Variants in FLNB observed in about 807,000 individuals in gnomAD.
FLNB encodes the protein filamin B.
Under a neutral mutation model 250.6 loss-of-function variants are expected in FLNB, and 111 were observed. The observed-to-expected ratio is 0.44, with a 90% CI of 0.38 to 0.52. FLNB has a LOEUF of 0.52. FLNB is among the 20% of genes least tolerant of loss of function. The pLI is 0.00. For synonymous variants in FLNB, 1,302 were observed against 1,372.1 expected, an observed-to-expected ratio of 0.95 and a Z score of 1.13; for missense variants, 2,869 against 3,447.8, an observed-to-expected ratio of 0.83 and a Z score of 4.20.
intron 1 of FLNB, among the ~76,000 whole-genome samples, chr3:58,064,064 A>G (rs1453729201): frequency 6.6e-6 from 1 of 152,114 alleles, no homozygotes; most frequent in African/African-American, 2.4e-5. Flanking sequence ...GAGTCATTTC[A>G]AGCCAATTTA....
chr3:58,129,994 G>A (rs1346333059), intron 24 of FLNB, among the ~76,000 whole-genome samples: 1 of 152,204 alleles, frequency 6.6e-6, no homozygotes, highest in African/African-American at 2.4e-5. Flanking sequence ...CCCTCAAGGA[G>A]TCAGAGGCCC....
intron 4 of FLNB, among the ~76,000 whole-genome samples, chr3:58,093,269 TG>T (rs1208300424): frequency 3.3e-5 from 5 of 152,094 alleles, no homozygotes; most frequent in African/African-American, 1.2e-4. Flanking sequence ...TCTGTCCCCA[TG>T]AAGTTGGGGT....
intron 5 of FLNB, 59 bp downstream of exon 5, chr3:58,095,013 A>C: frequency 7.6e-7 from 1 of 1,323,662 alleles, no homozygotes; most frequent in South Asian, 1.2e-5. Context: ...TGGGGCTTGT[A>C]ATGCGGCCAG....
chr3:58,155,888 C>T, intron 40 of FLNB, 72 bp from the exon 41 acceptor site: 3 of 1,059,980 alleles, frequency 2.8e-6, no homozygotes, highest in Non-Finnish European at 4.4e-6. Flanking sequence ...GGCATTTTAG[C>T]CCTTGGTGAG....
chr3:58,017,837 C>G (rs547156438), intron 1 of FLNB, among the ~76,000 whole-genome samples: 1 of 152,256 alleles, frequency 6.6e-6, no homozygotes, highest in South Asian at 2.1e-4. Flanking sequence ...GTACTATAAG[C>G]AAAGAAGCAG....
chr3:58,017,407 C>T (rs55749066), intron 1 of FLNB, among the ~76,000 whole-genome samples: 40,462 of 152,078 alleles, frequency 0.27, 5,737 homozygotes, highest in East Asian at 0.5. Flanking sequence ...TGCGCCATCA[C>T]ACCTGGATAA....
chr3:58,163,176 C>T lies in FLNB; in HGVS notation c.7044C>T (p.Ile2348=), dbSNP rs1475709296. ...TAGATAAGTATGCTGTTCGCTTCATCCCTCATGAGAATGGTGTCCACACCA... is the reference window on the plus strand; with the variant it reads ...TAGATAAGTATGCTGTTCGCTTCATTCCTCATGAGAATGGTGTCCACACCA... ...LEPDKYAVRF[I]PHENGVHTID... Residue 2348 remains isoleucine (I), a synonymous_variant, in exon 43 of 46, where the codon ATC becomes ATT. Coordinates refer to ENST00000295956, the MANE Select transcript of FLNB (RefSeq NM_001457.4). The T allele has an allele frequency of 6.2e-7, 1 of 1,614,212 alleles. No homozygotes were observed. The highest frequency in any genetic ancestry group is 1.7e-5 in the Admixed American group (1 of 60,028).
chr3:58,064,428 C>T (rs894011940), intron 1 of FLNB, among the ~76,000 whole-genome samples: 6 of 152,074 alleles, frequency 3.9e-5, no homozygotes, highest in African/African-American at 1.2e-4. Flanking sequence ...TCCTAAAGTG[C>T]TGGCATTATA....
chr3:58,016,561 A>T (rs935883748), intron 1 of FLNB, among the ~76,000 whole-genome samples: 6 of 151,560 alleles, frequency 4.0e-5, no homozygotes, highest in Admixed American at 3.3e-4. Flanking sequence ...AGTAAATCTT[A>T]GTTTCTTTTT....
intron 1 of FLNB, among the ~76,000 whole-genome samples, chr3:58,016,079 A>T (rs2097105362): frequency 6.7e-6 from 1 of 148,932 alleles, no homozygotes; most frequent in Admixed American, 6.7e-5. Context: ...TTTGAGTTGG[A>T]GTTTCAATCT....
chr3:58,125,221 C>T (rs1377215577), intron 22 of FLNB, among the ~76,000 whole-genome samples: 1 of 152,192 alleles, frequency 6.6e-6, no homozygotes, highest in Admixed American at 6.5e-5. Flanking sequence ...CAGGCTCAAC[C>T]TCCTGGGCTC....
intron 17 of FLNB, 113 bp downstream of exon 17, chr3:58,111,994 G>A (rs2097269606): frequency 3.4e-6 from 4 of 1,187,268 alleles, no homozygotes; most frequent in Non-Finnish European, 5.0e-6. Flanking sequence ...CACCAAGCTG[G>A]CAGGTTTTCT....
At position 58,110,163 on chromosome 3, in the gene FLNB, C is replaced by T; in HGVS notation, c.2477C>T (p.Ala826Val). The part of the protein sequence containing the change: ...AGRYTIKVLF[A>V]SQEIPASPFR... Reference sequence around the variant, plus strand: ...CGATACACTATCAAAGTTCTCTTTGCATCTCAGGTACGTGGTGGGGCCTGG... The same window carrying T: ...CGATACACTATCAAAGTTCTCTTTGTATCTCAGGTACGTGGTGGGGCCTGG... Residue 826 changes from alanine (A) to valine (V), a missense_variant, in exon 16 of 46, where the codon GCA becomes GTA. Ala to Val is a moderately conservative substitution (Grantham distance 64). This residue lies in a region of FLNB where 1,348 missense variants were observed against 1,466.7 expected (regional missense o/e 0.92). Coordinates refer to ENST00000295956, the MANE Select transcript of FLNB (RefSeq NM_001457.4). The T allele has an allele frequency of 6.2e-7, 1 of 1,614,204 alleles. No homozygotes were observed. Among genetic ancestry groups the T allele is most frequent in the Non-Finnish European group, 8.5e-7 (1 of 1,180,042 alleles).
intron 1 of FLNB, among the ~76,000 whole-genome samples, chr3:58,040,605 C>A (rs2097144762): frequency 6.6e-6 from 1 of 152,238 alleles, no homozygotes; most frequent in Non-Finnish European, 1.5e-5. Context: ...AGCGATTCTC[C>A]TGCCTAAGCC....
chr3:58,008,726 C>T lies in FLNB; in HGVS notation c.162C>T (p.Leu54=), dbSNP rs780601404. The change falls in exon 1 of 46, where the codon CTC becomes CTT. Residue 54 remains leucine (L), a synonymous_variant. Transcript: ENST00000295956. ...ACGGGCTGCGGCTCATCGCGCTGCT[C>T]GAGGTGCTCAGCCAGAAGCGCATGT... The part of the protein sequence containing the change: ...LSDGLRLIAL[L]EVLSQKRMYR... 23 of 1,614,158 alleles carry T rather than the reference C, an allele frequency of 1.4e-5. No homozygotes were observed. The highest frequency in any genetic ancestry group is 2.7e-5 in the African/African-American group (2 of 75,072).
chr3:58,124,537 G>A (rs1486521604), intron 22 of FLNB, 32 bp downstream of exon 22: 6 of 1,611,646 alleles, frequency 3.7e-6, no homozygotes, highest in South Asian at 3.3e-5. Flanking sequence ...CTGGACCCTC[G>A]TTCAGAGCTG....
chr3:58,134,183 C>T (rs2097312359), intron 26 of FLNB, among the ~76,000 whole-genome samples: 1 of 152,222 alleles, frequency 6.6e-6, no homozygotes, highest in African/African-American at 2.4e-5. Context: ...GCCCTGCCTC[C>T]TGTCAGATCA....
intron 23 of FLNB, among the ~76,000 whole-genome samples, chr3:58,126,353 C>T (rs1180353204): frequency 6.6e-6 from 1 of 152,098 alleles, no homozygotes; most frequent in East Asian, 1.9e-4. Flanking sequence ...GCACTCCAGC[C>T]TGGGCAATGG....
intron 41 of FLNB, 55 bp downstream of exon 41, chr3:58,156,130 T>C: frequency 7.4e-7 from 1 of 1,356,454 alleles, no homozygotes; most frequent in Non-Finnish European, 1.1e-6. Context: ...GTGAGACCCC[T>C]GGACTCCTGA....
Sources: gnomAD v4.1 joint callset for allele counts (sites outside exome capture counted in the v4.1 genomes callset) on GRCh38, gnomAD v4.1.1 for gene constraint, gnomAD v4.1.1 regional missense constraint, MANE v1.5 for transcripts, NCBI Gene and HGNC (gene_info 2026-07-23, HGNC 2026-07-21) for gene names.